MAF: variants seen among roughly 807,000 people sequenced by gnomAD.
MAF encodes the protein transcription factor Maf.
MAF carries 10 observed loss-of-function variants against 22.0 expected under a neutral mutation model. The observed-to-expected ratio is 0.45, with a 90% CI of 0.28 to 0.77. The LOEUF (loss-of-function observed/expected upper bound fraction) is 0.77. MAF is among the 30% of genes least tolerant of loss of function. The pLI is 0.12. For synonymous variants in MAF, 337 were observed against 255.8 expected, an observed-to-expected ratio of 1.32 and a Z score of -3.03; for missense variants, 544 against 548.4, an observed-to-expected ratio of 0.99 and a Z score of 0.08.
chr16:79,590,635 G>A (rs1913139522), downstream of MAF, among the ~76,000 whole-genome samples: 1 of 152,078 alleles, frequency 6.6e-6, no homozygotes, highest in South Asian at 2.1e-4. Context: ...CTAGGACTCT[G>A]TGGAGAGCTC....
At chr16:79,591,905 C>T (rs564090555), downstream of MAF, among the ~76,000 whole-genome samples, 1 of 152,172 alleles carries the variant, frequency 6.6e-6, no homozygotes, top group Non-Finnish European at 1.5e-5. Flanking sequence ...ACGATTTCCT[C>T]AAATCTCTCC....
chr16:79,457,096 T>A, the MAF span, among the ~76,000 whole-genome samples: 273 of 152,208 alleles, frequency 1.8e-3, 10 homozygotes, highest in South Asian at 0.051. Flanking sequence ...ATACTCAGAA[T>A]CACAAGTGTT....
the MAF span, among the ~76,000 whole-genome samples, chr16:79,255,558 G>A: frequency 6.6e-6 from 1 of 152,172 alleles, no homozygotes; most frequent in South Asian, 2.1e-4. Flanking sequence ...TGCCAGAAGG[G>A]GCCTTGGAGC....
At chr16:79,203,823 G>A in the MAF span, 1 of 152,198 alleles carries the variant, frequency 6.6e-6, no homozygotes, top group East Asian at 1.9e-4. Flanking sequence ...TTATTTTGGT[G>A]TAGATGGCGA....
chr16:79,570,674 C>T, the MAF span, among the ~76,000 whole-genome samples: 1 of 152,212 alleles, frequency 6.6e-6, no homozygotes, highest in Non-Finnish European at 1.5e-5. Context: ...TCTGATTTTA[C>T]AGCATTTGTA....
chr16:79,571,826 A>G, the MAF span, among the ~76,000 whole-genome samples: 15 of 152,260 alleles, frequency 9.9e-5, no homozygotes, highest in East Asian at 2.3e-3. Context: ...ACGTTGAACA[A>G]AACATGTTTT....
At chr16:79,342,100 A>G in the MAF span, among the ~76,000 whole-genome samples, 2 of 152,244 alleles carry the variant, frequency 1.3e-5, no homozygotes, top group African/African-American at 4.8e-5. Flanking sequence ...AGTTAGAGTT[A>G]GCCCCATTTT....
the MAF span, among the ~76,000 whole-genome samples, chr16:79,407,457 C>G: frequency 6.6e-6 from 1 of 152,148 alleles, no homozygotes; most frequent in Non-Finnish European, 1.5e-5. Flanking sequence ...AAGTTTCTCT[C>G]TCTTCCTCCC....
At chr16:79,563,271 C>T in the MAF span, among the ~76,000 whole-genome samples, 1 of 152,120 alleles carries the variant, frequency 6.6e-6, no homozygotes, top group African/African-American at 2.4e-5. Context: ...CAGCCGCTGC[C>T]CATGTGTGGT....
the MAF span, among the ~76,000 whole-genome samples, chr16:79,252,095 T>C: frequency 2.6e-5 from 4 of 152,194 alleles, no homozygotes; most frequent in Admixed American, 1.3e-4. Flanking sequence ...AAAGAAACAT[T>C]TGGTCAATGT....
At chr16:79,212,226 C>G in the MAF span, 4 of 1,377,126 alleles carry the variant, frequency 2.9e-6, no homozygotes, top group African/African-American at 2.9e-5. Context: ...CAAGTGTTCA[C>G]TGCTCCTTGC....
At chr16:79,453,802 G>T in the MAF span, among the ~76,000 whole-genome samples, 1 of 152,242 alleles carries the variant, frequency 6.6e-6, no homozygotes, top group East Asian at 1.9e-4. Context: ...GCTTTGACAG[G>T]CCCTGAGAAT....
At chr16:79,382,974 T>C in the MAF span, among the ~76,000 whole-genome samples, 1 of 152,222 alleles carries the variant, frequency 6.6e-6, no homozygotes, top group African/African-American at 2.4e-5. Flanking sequence ...CATTCACTCA[T>C]TCATCCATTC....
the MAF span, among the ~76,000 whole-genome samples, chr16:79,233,928 GT>G: frequency 1.1e-4 from 17 of 150,858 alleles, no homozygotes; most frequent in African/African-American, 3.9e-4. Flanking sequence ...GGAGGCGGAG[GT>G]TGCGGTGAGC....
the MAF span, among the ~76,000 whole-genome samples, chr16:79,329,853 A>G: frequency 6.6e-6 from 1 of 152,144 alleles, no homozygotes; most frequent in Admixed American, 6.5e-5. Context: ...TTCCAACTCG[A>G]TTATCTTTCC....
At chr16:79,227,149 T>A in the MAF span, among the ~76,000 whole-genome samples, 1 of 152,128 alleles carries the variant, frequency 6.6e-6, no homozygotes, top group Non-Finnish European at 1.5e-5. Flanking sequence ...ATGAGCCTGG[T>A]CTCAACCCCA....
chr16:79,339,726 C>A, the MAF span, among the ~76,000 whole-genome samples: 208 of 152,266 alleles, frequency 1.4e-3, 2 homozygotes, highest in African/African-American at 4.9e-3. Context: ...ATGCAGTACA[C>A]CAGCTTTGCA....
the MAF span, among the ~76,000 whole-genome samples, chr16:79,531,836 T>C: frequency 6.6e-6 from 1 of 151,960 alleles, no homozygotes; most frequent in East Asian, 2.0e-4. Flanking sequence ...GGCCTGGGGG[T>C]TGGGGACCCC....
chr16:79,520,394 G>C, the MAF span, among the ~76,000 whole-genome samples: 1 of 151,954 alleles, frequency 6.6e-6, no homozygotes, highest in African/African-American at 2.4e-5. Flanking sequence ...TCATCACCAG[G>C]AGCTGGCCCC....
Sources: allele counts gnomAD v4.1 joint callset (sites outside exome capture counted in the v4.1 genomes callset), GRCh38; gene constraint gnomAD v4.1.1; transcripts MANE v1.5; gene names NCBI Gene and HGNC (gene_info 2026-07-23, HGNC 2026-07-21).